XIAP: variants seen among roughly 807,000 people sequenced by gnomAD.
The protein encoded by XIAP is E3 ubiquitin-protein ligase XIAP.
A neutral mutation model predicts 33.1 loss-of-function variants in XIAP; 3 were observed. The observed-to-expected ratio is 0.09, with a 90% CI of 0.04 to 0.23. The LOEUF (loss-of-function observed/expected upper bound fraction) is 0.23, where lower values mean the gene tolerates loss of function less well. Among genes scored for constraint, XIAP ranks in the 10% least tolerant of loss-of-function variants. The pLI is 1.00. For missense variants in XIAP, 264 were observed against 363.0 expected (o/e 0.73, Z 2.22); for synonymous variants, 98 against 121.3 (o/e 0.81, Z 1.26).
intron 1 of XIAP, among the ~76,000 whole-genome samples, chrX:123,874,755 C>T (rs1185918171): frequency 4.1e-5 from 4 of 97,261 alleles, no homozygotes; most frequent in East Asian, 6.6e-4. Flanking sequence ...AATGCAGTGG[C>T]GCAATCTTGG....
chrX:123,867,192 C>G (rs1318700197), intron 1 of XIAP, among the ~76,000 whole-genome samples: 1 of 106,210 alleles, frequency 9.4e-6, no homozygotes, highest in Admixed American at 1.0e-4. Flanking sequence ...ACCTCAGCCT[C>G]TCTAAGTAGC....
chrX:123,904,392 G>A (rs2053542072), intron 6 of XIAP, among the ~76,000 whole-genome samples: 1 of 111,196 alleles, frequency 9.0e-6, no homozygotes, highest in Non-Finnish European at 1.9e-5. Flanking sequence ...TTATAGTGCC[G>A]TTTCTTTACT....
intron 1 of XIAP, among the ~76,000 whole-genome samples, chrX:123,869,936 A>T (rs2053177981): frequency 9.1e-6 from 1 of 109,909 alleles, no homozygotes; most frequent in Non-Finnish European, 1.9e-5. Context: ...TTAAATTTTG[A>T]CCTTACATTA....
At chrX:123,892,813 AATTT>A (rs372894090) in intron 5 of XIAP, 40 bp downstream of exon 5, 182 of 1,083,380 alleles carry the variant, frequency 1.7e-4, no homozygotes, top group African/African-American at 2.0e-4. Flanking sequence ...TTTAACTGCC[AATTT>A]ATTTATTTAT....
intron 1 of XIAP, among the ~76,000 whole-genome samples, chrX:123,861,394 A>G (rs2053077734): frequency 9.0e-6 from 1 of 111,495 alleles, no homozygotes; most frequent in African/African-American, 3.3e-5. Context: ...ATGTATTTCA[A>G]TGTATTTAAC....
chrX:123,894,739 C>A (rs952908610), intron 5 of XIAP, among the ~76,000 whole-genome samples: 1 of 108,359 alleles, frequency 9.2e-6, no homozygotes, highest in East Asian at 2.9e-4. Context: ...TTGCACTACA[C>A]CCTGGGCAAA....
Position 123,904,710 on chromosome X carries a change from A to G in XIAP, c.1301-2278A>G, listed in dbSNP as rs760067659. 5.4e-5 allele frequency among the ~76,000 whole-genome samples: 6 copies of G among 112,073 alleles called. No homozygotes were observed. The East Asian group carries it at 1.7e-3, about 31-fold the overall frequency. Reference sequence around the variant, plus strand: ...ACAATCTCAGCTCACTGCAACCTCTATCTCTCAGGTTCAAGCGATTCTGCT... The same window carrying G: ...ACAATCTCAGCTCACTGCAACCTCTGTCTCTCAGGTTCAAGCGATTCTGCT... On this transcript the variant is annotated intron_variant, in intron 6 of 6. Coordinates refer to ENST00000371199, the MANE Select transcript of XIAP (RefSeq NM_001167.4).
At chrX:123,872,330 C>T (rs1357236999) in intron 1 of XIAP, among the ~76,000 whole-genome samples, 25 of 100,723 alleles carry the variant, frequency 2.5e-4, no homozygotes, top group Admixed American at 4.3e-4. Context: ...TTTTTTTTTT[C>T]GTCCTTTTTT....
At chrX:123,876,537 C>T (rs928734705) in intron 1 of XIAP, among the ~76,000 whole-genome samples, 2 of 110,353 alleles carry the variant, frequency 1.8e-5, no homozygotes, top group African/African-American at 6.6e-5. Flanking sequence ...AACCACATCT[C>T]TAAGAAAACT....
chrX:123,874,848 C>T (rs2053228022), intron 1 of XIAP, among the ~76,000 whole-genome samples: 1 of 102,802 alleles, frequency 9.7e-6, no homozygotes, highest in African/African-American at 3.5e-5. Context: ...GTGTGTGCCA[C>T]CACCCCCAGC....
At chrX:123,904,726 C>T (rs1042499329) in intron 6 of XIAP, among the ~76,000 whole-genome samples, 5 of 112,354 alleles carry the variant, frequency 4.5e-5, no homozygotes, top group Non-Finnish European at 9.4e-5. Context: ...CAGGTTCAAG[C>T]GATTCTGCTG....
chrX:123,885,291 C>T (rs2053341557), intron 1 of XIAP, among the ~76,000 whole-genome samples: 1 of 111,769 alleles, frequency 8.9e-6, no homozygotes, highest in Non-Finnish European at 1.9e-5. Context: ...TTTATGCTTT[C>T]ATGTTTTTCC....
intron 6 of XIAP, among the ~76,000 whole-genome samples, chrX:123,906,651 C>G (rs1019036806): frequency 2.7e-5 from 3 of 112,095 alleles, no homozygotes; most frequent in Non-Finnish European, 5.6e-5. Flanking sequence ...CTCCACTTCC[C>G]TCCTCCCCCG....
At chrX:123,895,770 T>A in intron 5 of XIAP, among the ~76,000 whole-genome samples, 1 of 109,440 alleles carries the variant, frequency 9.1e-6, no homozygotes, top group African/African-American at 3.3e-5. Context: ...TGACTTTTTT[T>A]TTTTTTTTTG....
At chrX:123,866,487 T>TG (rs2053136952) in intron 1 of XIAP, among the ~76,000 whole-genome samples, 2 of 66,311 alleles carry the variant, frequency 3.0e-5, no homozygotes, top group Admixed American at 2.1e-4. Context: ...ATATATTATA[T>TG]ATGATTAATA....
intron 1 of XIAP, among the ~76,000 whole-genome samples, chrX:123,874,869 A>ATTTT (rs773693860): frequency 6.1e-4 from 26 of 42,767 alleles, no homozygotes; most frequent in African/African-American, 2.0e-3. Context: ...TAATTCTTGT[A>ATTTT]TTTTTTTTTT....
At chrX:123,894,468 T>C (rs2053440271) in intron 5 of XIAP, among the ~76,000 whole-genome samples, 1 of 112,305 alleles carries the variant, frequency 8.9e-6, no homozygotes, top group African/African-American at 3.2e-5. Context: ...ATCTATTTAG[T>C]ATCTTAAGAA....
At position 123,864,454 on chromosome X, in the gene XIAP, T is replaced by TG. The variant is rs1344675297; in HGVS notation, c.-33+4162dup. Among the ~76,000 whole-genome samples the TG allele has an allele frequency of 5.0e-4, 40 of 79,502 alleles. No homozygotes were observed. The South Asian group carries it at 7.0e-3, about 14-fold the overall frequency. 69.0% of individuals were successfully genotyped at this position (79,502 alleles called of 115,157 possible). ...TATGGCAAAACAAATGCCTTTCTTC[T>TG]GTTTTTTTTTTTTTTTTTTTTTTTT... On this transcript the variant is annotated intron_variant, in intron 1 of 6. Coordinates refer to ENST00000371199, the MANE Select transcript of XIAP (RefSeq NM_001167.4).
At position 123,912,216 on chromosome X, in the gene XIAP, G is replaced by GAAAA. The variant is rs368295939; in HGVS notation, c.*5044_*5047dup. 5.8e-3 allele frequency: 1,144 copies of GAAAA among 198,368 alleles called. 1 individual carries two copies. The highest frequency in any genetic ancestry group is 0.014 in the Middle Eastern group (9 of 648). 16.3% of individuals were successfully genotyped at this position (198,368 alleles called of 1,213,427 possible). ...ACCAAGGAGGAATTGAAAACACTGA[G>GAAAA]AAAAAAAAAAAAGACCACACAATAA... On this transcript the variant is annotated 3_prime_UTR_variant, in exon 7 of 7. Coordinates refer to ENST00000371199, the MANE Select transcript of XIAP (RefSeq NM_001167.4).
Sources: gnomAD v4.1 joint callset for allele counts (sites outside exome capture counted in the v4.1 genomes callset) on GRCh38, gnomAD v4.1.1 for gene constraint, MANE v1.5 for transcripts, NCBI Gene and HGNC (gene_info 2026-07-23, HGNC 2026-07-21) for gene names.